The following TACR3 variants were observed in gnomAD, a reference collection of about 807,000 sequenced individuals.
The protein encoded by TACR3 is tachykinin receptor 3.
Under a neutral mutation model 35.0 loss-of-function variants are expected in TACR3, and 34 were observed. That is an observed-to-expected ratio of 0.97 (90% CI 0.74 to 1.30). The LOEUF (loss-of-function observed/expected upper bound fraction) is 1.30, where lower values mean the gene tolerates loss of function less well. Among genes scored for constraint, TACR3 ranks in the 50% most tolerant of loss-of-function variants. The pLI is 0.00. For missense variants in TACR3, 558 were observed against 591.7 expected, an observed-to-expected ratio of 0.94 and a Z score of 0.59; for synonymous variants, 233 against 221.1, an observed-to-expected ratio of 1.05 and a Z score of -0.48.
intron 1 of TACR3, among the ~76,000 whole-genome samples, chr4:103,679,631 C>G (rs1726244790): frequency 6.6e-6 from 1 of 151,778 alleles, no homozygotes; most frequent in South Asian, 2.1e-4. Context: ...GGTATGAATC[C>G]TTTTAATTGA....
Position 103,691,855 on chromosome 4 carries a change from C to T in TACR3, c.548+27273G>A, listed in dbSNP as rs181481370. 5.3e-5 allele frequency among the ~76,000 whole-genome samples: 8 copies of T among 152,306 alleles called. No homozygotes were observed. The East Asian group carries it at 1.5e-3, about 29-fold the overall frequency. On this transcript the variant is annotated intron_variant, in intron 1 of 4. Coordinates refer to ENST00000304883, the MANE Select transcript of TACR3 (RefSeq NM_001059.3). Reference sequence around the variant, plus strand: ...CCTATTCCTTTAATTTGGTCCATCCCTTCGTTTCCCATAAGGGACAGTTTT... The same window carrying T: ...CCTATTCCTTTAATTTGGTCCATCCTTTCGTTTCCCATAAGGGACAGTTTT...
chr4:103,653,493 T>TA (rs568017206), intron 3 of TACR3, among the ~76,000 whole-genome samples: 9 of 150,992 alleles, frequency 6.0e-5, no homozygotes, highest in African/African-American at 1.2e-4. Context: ...GTGAAATGTT[T>TA]AAAAAAAAAG....
intron 1 of TACR3, among the ~76,000 whole-genome samples, chr4:103,709,636 G>A (rs913111479): frequency 6.6e-6 from 1 of 152,232 alleles, no homozygotes; most frequent in African/African-American, 2.4e-5. Context: ...ATAATGACAG[G>A]ATCAAATTCG....
chr4:103,717,527 CT>C (rs925264052), intron 1 of TACR3, among the ~76,000 whole-genome samples: 3 of 152,122 alleles, frequency 2.0e-5, no homozygotes, highest in South Asian at 2.1e-4. Flanking sequence ...AAAATACAAC[CT>C]TTTTTTCCCC....
At chr4:103,638,742 A>T (rs1725271271) in intron 3 of TACR3, among the ~76,000 whole-genome samples, 1 of 152,150 alleles carries the variant, frequency 6.6e-6, no homozygotes, top group Non-Finnish European at 1.5e-5. Context: ...ACAAATTTAC[A>T]AGAAAAAACA....
chr4:103,675,667 G>A (rs1018105544), intron 1 of TACR3, among the ~76,000 whole-genome samples: 5 of 152,120 alleles, frequency 3.3e-5, no homozygotes, highest in Non-Finnish European at 7.3e-5. Flanking sequence ...TAAGAGATAT[G>A]CTTACAGGTT....
At chr4:103,700,483 G>T (rs1460593052) in intron 1 of TACR3, among the ~76,000 whole-genome samples, 8 of 152,136 alleles carry the variant, frequency 5.3e-5, no homozygotes, top group Non-Finnish European at 1.2e-4. Flanking sequence ...AATCCTGTGT[G>T]ACATAGCACA....
intron 3 of TACR3, among the ~76,000 whole-genome samples, chr4:103,602,557 T>C (rs1270633071): frequency 1.3e-5 from 2 of 151,954 alleles, no homozygotes; most frequent in East Asian, 3.9e-4. Context: ...GACGTACAGA[T>C]GGGTTTTTGA....
At position 103,631,113 on chromosome 4, in the gene TACR3, T is replaced by C. The variant is rs371661462; in HGVS notation, c.888+25081A>G. Among the ~76,000 whole-genome samples the C allele has an allele frequency of 2.0e-5, 3 of 151,850 alleles. No homozygotes were observed. In the South Asian group the frequency reaches 6.3e-4, roughly 32 times the overall value. The stretch of plus-strand genomic sequence containing the variant: ...AACACGGCATGTTCTCACTCATAGG[T>C]GGGAATTGAACGATGAGAACACTGG... On this transcript the variant is annotated intron_variant, in intron 3 of 4. Transcript: ENST00000304883.
intron 1 of TACR3, among the ~76,000 whole-genome samples, chr4:103,662,798 A>G (rs941187356): frequency 1.3e-5 from 2 of 152,330 alleles, no homozygotes; most frequent in East Asian, 3.9e-4. Context: ...GCAAATCACC[A>G]GAAGCTAGGT....
chr4:103,606,023 A>G (rs1724353212), intron 3 of TACR3, among the ~76,000 whole-genome samples: 3 of 151,934 alleles, frequency 2.0e-5, no homozygotes, highest in African/African-American at 7.3e-5. Context: ...GAAGGGATCC[A>G]GTTTCAGCTT....
rs1354415601 is a variant in TACR3 at position 103,589,614 on chromosome 4, T to C, written c.*68A>G. ...GGGTATATAGGACAGGACTGGTAAA[T>C]AGGAGAATGGGGTCCTAGACTGGCA... On this transcript the variant is annotated 3_prime_UTR_variant, in exon 5 of 5. Coordinates refer to ENST00000304883, the MANE Select transcript of TACR3 (RefSeq NM_001059.3). 2.5e-6 allele frequency: 4 copies of C among 1,585,804 alleles called. No individual in the cohort carries two copies. The Admixed American group carries it at 5.0e-5, about 20-fold the overall frequency.
intron 1 of TACR3, among the ~76,000 whole-genome samples, chr4:103,717,509 G>C (rs1420579520): frequency 6.6e-6 from 1 of 151,980 alleles, no homozygotes; most frequent in Admixed American, 6.6e-5. Context: ...GAAGAAATTG[G>C]AAAGAGAAAA....
intron 3 of TACR3, among the ~76,000 whole-genome samples, chr4:103,644,008 C>T (rs1380292602): frequency 2.6e-5 from 4 of 151,732 alleles, no homozygotes; most frequent in Non-Finnish European, 4.4e-5. Context: ...ATCATTTCCA[C>T]TTCTTCAGTA....
intron 1 of TACR3, among the ~76,000 whole-genome samples, chr4:103,686,447 G>T (rs1314589183): frequency 1.3e-5 from 2 of 151,900 alleles, no homozygotes; most frequent in Admixed American, 6.6e-5. Context: ...ACTGAGCAAT[G>T]GTACCATAGA....
At chr4:103,675,078 A>G (rs1330143213) in intron 1 of TACR3, among the ~76,000 whole-genome samples, 1 of 152,192 alleles carries the variant, frequency 6.6e-6, no homozygotes, top group Non-Finnish European at 1.5e-5. Context: ...AATATTATTC[A>G]TATGGACATA....
At position 103,587,978 on chromosome 4, in the gene TACR3, ATGTGTGTG is replaced by A. The variant is rs58055818; in HGVS notation, c.*1696_*1703del. ...TGATTGAATGTGTAGGCACATTTGT[ATGTGTGTG>A]TGTGTGTGTGTGTGTCTCTTTGTTT... On this transcript the variant is annotated 3_prime_UTR_variant, in exon 5 of 5. Transcript: ENST00000304883. 3.4e-5 allele frequency: 5 copies of A among 149,238 alleles called. No individual in the cohort carries two copies. The East Asian group carries it at 9.8e-4, about 29-fold the overall frequency. The allele number at this position is 149,238 out of a possible 1,614,324, so 9.2% of individuals were successfully genotyped here. A position where few individuals can be genotyped will look rare whatever the true frequency, so the allele number is the denominator to read the frequency against.
chr4:103,685,393 T>A (rs919267342), intron 1 of TACR3, among the ~76,000 whole-genome samples: 3 of 152,094 alleles, frequency 2.0e-5, no homozygotes, highest in Non-Finnish European at 4.4e-5. Flanking sequence ...AGTAAAACAT[T>A]AAAACAACAA....
intron 3 of TACR3, among the ~76,000 whole-genome samples, chr4:103,606,774 C>T (rs953912105): frequency 6.6e-5 from 10 of 152,104 alleles, no homozygotes; most frequent in African/African-American, 2.4e-4. Flanking sequence ...CAAACAGGGA[C>T]AATTTGACTT....
Sources: gnomAD v4.1 joint callset for allele counts (sites outside exome capture counted in the v4.1 genomes callset) on GRCh38, gnomAD v4.1.1 for gene constraint, MANE v1.5 for transcripts, NCBI Gene and HGNC (gene_info 2026-07-23, HGNC 2026-07-21) for gene names.